The following DLGAP4 variants were observed in gnomAD, a reference collection of about 807,000 sequenced individuals.
The protein encoded by DLGAP4 is DLG associated protein 4, also known as disks large-associated protein 4.
Under a neutral mutation model 86.9 loss-of-function variants are expected in DLGAP4, and 18 were observed. That is an observed-to-expected ratio of 0.21 (90% CI 0.14 to 0.31). The LOEUF (loss-of-function observed/expected upper bound fraction) is 0.31. Among genes scored for constraint, DLGAP4 ranks in the 10% least tolerant of loss-of-function variants. DLGAP4 has a pLI of 1.00. For missense variants in DLGAP4, 1,085 were observed against 1,362.6 expected, an observed-to-expected ratio of 0.80 and a Z score of 3.21; for synonymous variants, 548 against 574.3, an observed-to-expected ratio of 0.95 and a Z score of 0.65.
At chr20:36,461,770 C>T (rs1290808187) in intron 7 of DLGAP4, 5 of 966,032 alleles carry the variant, frequency 5.2e-6, no homozygotes, top group African/African-American at 1.9e-5. Context: ...CCCGCCCGCC[C>T]GCGCTTCCGT....
intron 1 of DLGAP4, among the ~76,000 whole-genome samples, chr20:36,348,560 A>G (rs1033027160): frequency 1.3e-5 from 2 of 151,942 alleles, no homozygotes; most frequent in African/African-American, 4.8e-5. Context: ...TTGGGATTAC[A>G]GGTGTGTGCC....
At chr20:36,476,024 A>G (rs546520119) in intron 7 of DLGAP4, among the ~76,000 whole-genome samples, 1 of 151,392 alleles carries the variant, frequency 6.6e-6, no homozygotes, top group Admixed American at 6.6e-5. Flanking sequence ...ACACCTGGTT[A>G]ATTTTTGTAT....
At chr20:36,394,512 T>C (rs2031884733) in intron 2 of DLGAP4, among the ~76,000 whole-genome samples, 1 of 152,202 alleles carries the variant, frequency 6.6e-6, no homozygotes, top group Non-Finnish European at 1.5e-5. Flanking sequence ...ATTAAGTGGC[T>C]TCTGCAGTGA....
At chr20:36,424,152 C>T (rs1404788430) in intron 2 of DLGAP4, among the ~76,000 whole-genome samples, 4 of 152,222 alleles carry the variant, frequency 2.6e-5, no homozygotes, top group Non-Finnish European at 5.9e-5. Flanking sequence ...GAAATCAGTT[C>T]GGAACATCTG....
intron 2 of DLGAP4, among the ~76,000 whole-genome samples, chr20:36,396,356 CCACACGCACATACACACACCCCACAT>C (rs1569484525): frequency 6.3e-4 from 17 of 26,938 alleles, no homozygotes; most frequent in Non-Finnish European, 9.5e-4. Flanking sequence ...CACACACATA[CCACACGCACATACACACACCCCACAT>C]ACACACATGC....
intron 1 of DLGAP4, among the ~76,000 whole-genome samples, chr20:36,339,562 A>AT (rs757131424): frequency 2.8e-4 from 43 of 152,150 alleles, no homozygotes; most frequent in Non-Finnish European, 5.4e-4. Flanking sequence ...TTTTAAAAAA[A>AT]TTTTGTAGAG....
At chr20:36,458,702 T>TA (rs766092488) in intron 7 of DLGAP4, among the ~76,000 whole-genome samples, 9 of 150,778 alleles carry the variant, frequency 6.0e-5, no homozygotes, top group African/African-American at 1.9e-4. Context: ...CGTCTCAAAA[T>TA]AAAAAAAAGA....
At chr20:36,450,105 T>C (rs2033696559) in intron 7 of DLGAP4, among the ~76,000 whole-genome samples, 1 of 152,252 alleles carries the variant, frequency 6.6e-6, no homozygotes, top group South Asian at 2.1e-4. Context: ...ACAAGTCATA[T>C]GACTGAGCTC....
chr20:36,339,606 C>T (rs2065356861), intron 1 of DLGAP4, among the ~76,000 whole-genome samples: 2 of 152,220 alleles, frequency 1.3e-5, no homozygotes, highest in African/African-American at 2.4e-5. Flanking sequence ...CCTTGGCCTC[C>T]CAAAACGCTG....
At chr20:36,520,485 T>G (rs1037689149) in intron 10 of DLGAP4, among the ~76,000 whole-genome samples, 1 of 151,910 alleles carries the variant, frequency 6.6e-6, no homozygotes, top group African/African-American at 2.4e-5. Context: ...TAGCTGCGAT[T>G]AATAGGCATG....
At chr20:36,404,926 C>T (rs1037145695) in intron 2 of DLGAP4, among the ~76,000 whole-genome samples, 7 of 152,142 alleles carry the variant, frequency 4.6e-5, no homozygotes, top group East Asian at 1.9e-4. Flanking sequence ...GAGGCAGCTG[C>T]GGTCGAGGGG....
chr20:36,421,856 TGA>T (rs2032838219), intron 2 of DLGAP4, among the ~76,000 whole-genome samples: 1 of 152,114 alleles, frequency 6.6e-6, no homozygotes, highest in African/African-American at 2.4e-5. Context: ...GTCTGGCGTC[TGA>T]GAGACAGATT....
At chr20:36,453,934 CAAAAAAAAA>C (rs1194294335) in intron 7 of DLGAP4, among the ~76,000 whole-genome samples, 1 of 42,694 alleles carries the variant, frequency 2.3e-5, no homozygotes, top group Non-Finnish European at 4.7e-5. Context: ...ACTCTGTCTC[CAAAAAAAAA>C]AAAAAAAAAA....
Position 36,446,946 on chromosome 20 carries a change from T to C in DLGAP4, c.1648+9T>C. The C allele has an allele frequency of 3.1e-6, 5 of 1,595,308 alleles. No individual in the cohort carries two copies. Among genetic ancestry groups the C allele is most frequent in the Non-Finnish European group, 4.3e-6 (5 of 1,166,274 alleles). On this transcript the variant is annotated intron_variant, in intron 7 of 12. Transcript: ENST00000339266. ...TAGTCGCACGCTTCCGAGTGAGTACTGTGATGAGGGAAGGGGTTTTTTTTC... is the reference window on the plus strand; with the variant it reads ...TAGTCGCACGCTTCCGAGTGAGTACCGTGATGAGGGAAGGGGTTTTTTTTC...
At chr20:36,523,011 T>G (rs1217795911) in intron 10 of DLGAP4, among the ~76,000 whole-genome samples, 1 of 151,546 alleles carries the variant, frequency 6.6e-6, no homozygotes, top group Non-Finnish European at 1.5e-5. Flanking sequence ...GCCTGGCTTA[T>G]TTTTGTATTT....
intron 7 of DLGAP4, among the ~76,000 whole-genome samples, chr20:36,475,929 G>A (rs769889671): frequency 4.8e-4 from 73 of 151,794 alleles, no homozygotes; most frequent in South Asian, 1.7e-3. Context: ...GCGCAGTTTC[G>A]GCTCACTGCA....
At chr20:36,456,152 C>T (rs2147601461) in intron 7 of DLGAP4, among the ~76,000 whole-genome samples, 1 of 152,312 alleles carries the variant, frequency 6.6e-6, no homozygotes, top group East Asian at 1.9e-4. Flanking sequence ...TGCACGTGCG[C>T]ACACACAGAC....
intron 1 of DLGAP4, among the ~76,000 whole-genome samples, chr20:36,353,701 C>T (rs962540810): frequency 6.6e-6 from 1 of 152,172 alleles, no homozygotes; most frequent in Non-Finnish European, 1.5e-5. Context: ...CGCCACTTTG[C>T]CATTCAGAAC....
intron 7 of DLGAP4, among the ~76,000 whole-genome samples, chr20:36,485,310 G>A (rs1190891222): frequency 6.7e-6 from 1 of 148,600 alleles, no homozygotes; most frequent in South Asian, 2.1e-4. Flanking sequence ...GAGCCCAGAG[G>A]TCAAGGCTGC....
Sources: gnomAD v4.1 joint callset for allele counts (sites outside exome capture counted in the v4.1 genomes callset) on GRCh38, gnomAD v4.1.1 for gene constraint, MANE v1.5 for transcripts, NCBI Gene and HGNC (gene_info 2026-07-23, HGNC 2026-07-21) for gene names.